PRRG1: variants seen among roughly 807,000 people sequenced by gnomAD.
PRRG1 encodes proline rich and Gla domain 1.
A neutral mutation model predicts 11.8 loss-of-function variants in PRRG1; 5 were observed. The ratio of observed to expected loss-of-function variants is 0.42; its 90% CI spans 0.22 to 0.89. The LOEUF is 0.89. PRRG1 is among the 40% of genes least tolerant of loss of function. The probability of loss-of-function intolerance (pLI) is 0.28; values close to 1 mark genes in which losing one functional copy is unlikely to be tolerated. For missense variants in PRRG1, 155 were observed against 166.1 expected (o/e 0.93, Z 0.37); for synonymous variants, 66 against 60.4 (o/e 1.09, Z -0.43).
At chrX:37,424,285 A>C (rs970099766) in intron 2 of PRRG1, among the ~76,000 whole-genome samples, 2 of 111,145 alleles carry the variant, frequency 1.8e-5, no homozygotes, top group Admixed American at 9.5e-5. Context: ...AGTGATTCTC[A>C]AACTGTGGTA....
At chrX:37,366,915 G>A (rs1427594720) in intron 1 of PRRG1, among the ~76,000 whole-genome samples, 2 of 111,410 alleles carry the variant, frequency 1.8e-5, no homozygotes, top group African/African-American at 6.5e-5. Context: ...AACTAGAAGG[G>A]CCATACCAAT....
chrX:37,439,542 C>T (rs930926241), intron 3 of PRRG1, among the ~76,000 whole-genome samples: 1 of 111,697 alleles, frequency 9.0e-6, no homozygotes, highest in Admixed American at 9.5e-5. Flanking sequence ...TTTCCATCTT[C>T]CTCATTCCCT....
intron 1 of PRRG1, among the ~76,000 whole-genome samples, chrX:37,396,031 A>G (rs782669058): frequency 9.8e-5 from 11 of 112,024 alleles, no homozygotes; most frequent in Non-Finnish European, 1.7e-4. Flanking sequence ...TGCAACCTTC[A>G]GCCTGTATTT....
At chrX:37,407,136 A>G (rs1932209166) in intron 2 of PRRG1, among the ~76,000 whole-genome samples, 1 of 111,814 alleles carries the variant, frequency 8.9e-6, no homozygotes, top group African/African-American at 3.3e-5. Context: ...TTAACATTCC[A>G]CACTGAAGAT....
intron 2 of PRRG1, among the ~76,000 whole-genome samples, chrX:37,409,309 GGAA>G (rs781910600): frequency 4.5e-5 from 5 of 111,919 alleles, no homozygotes; most frequent in Non-Finnish European, 7.5e-5. Context: ...AATCAGTGGA[GGAA>G]GAAGAGGAAT....
intron 1 of PRRG1, among the ~76,000 whole-genome samples, chrX:37,351,081 C>T (rs782401337): frequency 1.4e-4 from 16 of 111,621 alleles, no homozygotes; most frequent in African/African-American, 5.2e-4. Context: ...TGCCTTATTT[C>T]TCCATTACTA....
At chrX:37,440,090 G>A (rs1472264219) in intron 3 of PRRG1, among the ~76,000 whole-genome samples, 4 of 111,265 alleles carry the variant, frequency 3.6e-5, no homozygotes, top group Admixed American at 9.5e-5. Context: ...AGGAGCCACC[G>A]TGCCTGACCT....
chrX:37,447,088 TAACAA>T (rs1444708711), intron 3 of PRRG1, among the ~76,000 whole-genome samples: 7 of 111,728 alleles, frequency 6.3e-5, no homozygotes, highest in African/African-American at 2.0e-4. Flanking sequence ...TAACAAAACA[TAACAA>T]AAGTATCACA....
chrX:37,441,832 G>A (rs1275419893), intron 3 of PRRG1: 14 of 782,851 alleles, frequency 1.8e-5, no homozygotes, highest in Non-Finnish European at 2.2e-5. Flanking sequence ...CATGGAGTGC[G>A]CCTTCCACCT....
chrX:37,350,426 T>A (rs1284212003), intron 1 of PRRG1, among the ~76,000 whole-genome samples: 1 of 111,657 alleles, frequency 9.0e-6, no homozygotes, highest in African/African-American at 3.3e-5. Flanking sequence ...CCAGGGTAAG[T>A]GAAAAGTTGG....
At chrX:37,441,551 G>A (rs1368440128) in intron 3 of PRRG1, 9 of 762,799 alleles carry the variant, frequency 1.2e-5, no homozygotes, top group Middle Eastern at 5.3e-4. Context: ...TTGCAGGTGC[G>A]TCAGAACTAC....
At chrX:37,451,027 G>GTTTTGTTTTGTTTTGTTTTT (rs1435259251) in intron 3 of PRRG1, among the ~76,000 whole-genome samples, 1 of 111,533 alleles carries the variant, frequency 9.0e-6, no homozygotes, top group African/African-American at 3.3e-5. Flanking sequence ...GTTTTGTTTT[G>GTTTTGTTTTGTTTTGTTTTT]TTTTGTTGAG....
chrX:37,369,779 C>G, intron 1 of PRRG1, among the ~76,000 whole-genome samples: 1 of 111,454 alleles, frequency 9.0e-6, no homozygotes, highest in Non-Finnish European at 1.9e-5. Flanking sequence ...CTTTCCCATA[C>G]TGTTCTCCTG....
rs916890770 is a variant in PRRG1 at position 37,408,444 on chromosome X, G to A, written c.10+2185G>A. ...AGAAAACTGGCCCTCCCACCCTAGC[G>A]TTTTAATGTGCAAATGTATCCCCAT... On this transcript the variant is annotated intron_variant, in intron 2 of 3. Coordinates refer to ENST00000378628, the MANE Select transcript of PRRG1 (RefSeq NM_001142395.2). Among the ~76,000 whole-genome samples the A allele has an allele frequency of 2.7e-5, 3 of 111,594 alleles. No individual in the cohort carries two copies. In the South Asian group the frequency reaches 1.1e-3, roughly 43 times the overall value.
chrX:37,400,329 C>T (rs1931922636), intron 1 of PRRG1, among the ~76,000 whole-genome samples: 1 of 111,753 alleles, frequency 8.9e-6, no homozygotes, highest in African/African-American at 3.3e-5. Flanking sequence ...TTAAGAAACA[C>T]ACTCAAAACC....
At chrX:37,406,671 A>G (rs1158161168) in intron 2 of PRRG1, among the ~76,000 whole-genome samples, 2 of 111,237 alleles carry the variant, frequency 1.8e-5, no homozygotes, top group African/African-American at 3.3e-5. Flanking sequence ...AGTAGTAAAA[A>G]AAAATCATCT....
At chrX:37,386,891 A>G (rs2146548764) in intron 1 of PRRG1, among the ~76,000 whole-genome samples, 1 of 112,592 alleles carries the variant, frequency 8.9e-6, no homozygotes, top group Non-Finnish European at 1.9e-5. Flanking sequence ...TATTATTCCC[A>G]TGGTTTGTTA....
rs1367753162 is a variant in PRRG1, at chrX:37,455,350, T to C, written c.*1729T>C. 2 of 111,249 alleles carry C rather than the reference T, an allele frequency of 1.8e-5. No individual in the cohort carries two copies. Among genetic ancestry groups the C allele is most frequent in the Non-Finnish European group, 3.8e-5 (2 of 52,869 alleles). 9.2% of individuals were successfully genotyped at this position (111,249 alleles called of 1,213,427 possible). ...AAGAAATTTGTAAAATGTGAAGAGC[T>C]ATCTACACTAAGTTCGTAATGTTAT... On this transcript the variant is annotated 3_prime_UTR_variant, in exon 4 of 4. Coordinates refer to ENST00000378628, the MANE Select transcript of PRRG1 (RefSeq NM_001142395.2).
intron 3 of PRRG1, among the ~76,000 whole-genome samples, chrX:37,447,648 T>C (rs1427717394): frequency 1.8e-5 from 2 of 112,667 alleles, no homozygotes; most frequent in African/African-American, 3.2e-5. Flanking sequence ...ATATCTCTAA[T>C]TTTATTTCTT....
Sources: allele counts gnomAD v4.1 joint callset (sites outside exome capture counted in the v4.1 genomes callset), GRCh38; gene constraint gnomAD v4.1.1; transcripts MANE v1.5; gene names NCBI Gene and HGNC (gene_info 2026-07-23, HGNC 2026-07-21).